Variants in CCDC8 observed in about 807,000 individuals in gnomAD.
CCDC8 encodes coiled-coil domain-containing protein 8.
In CCDC8, 6 loss-of-function variants were observed where a neutral mutation model predicts 5.2. The observed-to-expected ratio is 1.16, with a 90% confidence interval of 0.63 to 2.28. CCDC8 has a LOEUF of 2.28. CCDC8 is among the 30% of genes most tolerant of loss of function. The probability of loss-of-function intolerance (pLI) is 0.00; values close to 1 mark genes in which losing one functional copy is unlikely to be tolerated. For synonymous variants in CCDC8, 310 were observed against 286.5 expected, an observed-to-expected ratio of 1.08 and a Z score of -0.83; for missense variants, 724 against 712.2, an observed-to-expected ratio of 1.02 and a Z score of -0.19.
In CCDC8 at chr19:46,411,280, T is replaced by C. The variant is rs142047380; in HGVS notation, c.1531A>G (p.Arg511Gly). 1 of 1,614,162 alleles carries C rather than the reference T, an allele frequency of 6.2e-7. No homozygotes were observed. Among genetic ancestry groups the C allele is most frequent in the African/African-American group, 1.3e-5 (1 of 75,050 alleles). The change falls in exon 1 of 1, where the codon AGG becomes GGG. Residue 511 changes from arginine to glycine, a missense_variant. Transcript: ENST00000307522. ...RLPTLPKRVP[R>G]AGEARNLRVL... ...CTGAGGTTCCTGGCCTCTCCTGCCC[T>C]GGGGACTCTCTTGGGCAGGGTTGGC... is the stretch of plus-strand genomic sequence containing the variant.
In CCDC8 at chr19:46,413,547, G is replaced by C. The variant is rs546208481; in HGVS notation, c.-737C>G. ...TTGACGCGCCGCAGCCTGCCAGCCC[G>C]CGCGCTTAGAGCTCTGCACCGTGGA... On this transcript the variant is annotated 5_prime_UTR_variant, in exon 1 of 1. Transcript: ENST00000307522. 6.0e-6 allele frequency: 1 copy of C among 166,670 alleles called. No individual in the cohort carries two copies. Among genetic ancestry groups the C allele is most frequent in the East Asian group, 1.9e-4 (1 of 5,132 alleles). The allele number at this position is 166,670 out of a possible 1,614,324, so 10.3% of individuals were successfully genotyped here. A position where few individuals can be genotyped will look rare whatever the true frequency, so the allele number is the denominator to read the frequency against.
rs763220069 is a variant in CCDC8, at chr19:46,412,233, C to T, written c.578G>A (p.Arg193Lys). 11 of 1,600,862 alleles carry T rather than the reference C, an allele frequency of 6.9e-6. No homozygotes were observed. Among genetic ancestry groups the T allele is most frequent in the Non-Finnish European group, 8.5e-6 (10 of 1,179,876 alleles). Residue 193 changes from arginine (R) to lysine (K), a missense_variant, in exon 1 of 1, where the codon AGG becomes AAG. By Grantham distance (26) the Arg-to-Lys change is conservative (BLOSUM62 2). Transcript: ENST00000307522. The surrounding 1 kb of genome is among the most constrained non-coding windows in gnomAD (Gnocchi z 4.7). ...NLGPQLSKAD[R>K]WREYVSQVSW... ...CACCTGGCTGACATACTCCCGCCAC[C>T]TGTCCGCTTTGGACAGCTGAGGCCC...
In CCDC8 at chr19:46,411,351, G is replaced by A. The variant is rs145780413; in HGVS notation, c.1460C>T (p.Ser487Leu). 5.6e-5 allele frequency: 91 copies of A among 1,614,202 alleles called. No individual in the cohort carries two copies. The Middle Eastern group carries it at 1.8e-3, about 32-fold the overall frequency. Residue 487 changes from serine (S) to leucine (L), a missense_variant, in exon 1 of 1, where the codon TCG (serine) becomes TTG (leucine). By Grantham distance (145) the Ser-to-Leu change is moderately radical. Transcript: ENST00000307522. ...TVRFQTPGRF[S>L]WFCKRRRAFW... is the part of the protein sequence containing the mutation. Reference sequence around the variant, plus strand: ...GGCTCTCCGGCGCTTGCAAAACCACGAAAAGCGTCCAGGGGTCTGGAACCT... The same window carrying A: ...GGCTCTCCGGCGCTTGCAAAACCACAAAAAGCGTCCAGGGGTCTGGAACCT...
At position 46,412,254 on chromosome 19, in the gene CCDC8, G is replaced by A; in HGVS notation, c.557C>T (p.Pro186Leu). 6.2e-7 allele frequency: 1 copy of A among 1,602,586 alleles called. No individual in the cohort carries two copies. The highest frequency in any genetic ancestry group is 1.1e-5 in the South Asian group (1 of 91,084). ...CCACCTGTCCGCTTTGGACAGCTGA[G>A]GCCCCAGGTTGTCCTCAAACATGGG... ...PVPMFEDNLG[P>L]QLSKADRWRE... The change falls in exon 1 of 1, where the codon CCT (proline) becomes CTT (leucine). Residue 186 changes from proline (P) to leucine (L), a missense_variant. Transcript: ENST00000307522. This position sits in a 1 kb window ranked among gnomAD's most constrained non-coding sequence, Gnocchi z 4.7.
Position 46,412,908 on chromosome 19 carries a change from T to C in CCDC8, c.-98A>G. 1 of 1,488,380 alleles carries C rather than the reference T, an allele frequency of 6.7e-7. No homozygotes were observed. The highest frequency in any genetic ancestry group is 2.4e-5 in the East Asian group (1 of 41,126). The allele number at this position is 1,488,380 out of a possible 1,614,324, so 92.2% of individuals were successfully genotyped here. A position where few individuals can be genotyped will look rare whatever the true frequency, so the allele number is the denominator to read the frequency against. ...TTCCACGAGGACGTCCAAATCCACA[T>C]CTTTGCAGACATCGGGGACGCTCCA... On this transcript the variant is annotated 5_prime_UTR_variant, in exon 1 of 1. It removes an upstream start codon present in the reference 5' UTR. Transcript: ENST00000307522. The surrounding 1 kb of genome is among the most constrained non-coding windows in gnomAD (Gnocchi z 4.7).
chr19:46,411,876 C>T lies in CCDC8; in HGVS notation c.935G>A (p.Arg312Gln), dbSNP rs201985826. The T allele has an allele frequency of 8.7e-6, 14 of 1,614,110 alleles. No individual in the cohort carries two copies. Among genetic ancestry groups the T allele is most frequent in the Non-Finnish European group, 1.0e-5 (12 of 1,179,956 alleles). ...SQREEAIADQREGAAGNQRAG... is the reference protein window; with the variant it reads ...SQREEAIADQQEGAAGNQRAG... Reference sequence around the variant, plus strand: ...CCTCTGATTACCTGCAGCCCCTTCCCGCTGGTCAGCTATGGCCTCTTCCCT... The same window carrying T: ...CCTCTGATTACCTGCAGCCCCTTCCTGCTGGTCAGCTATGGCCTCTTCCCT... The change falls in exon 1 of 1, where the codon CGG becomes CAG. Residue 312 changes from arginine to glutamine, a missense_variant. Arg to Gln is a conservative substitution (Grantham distance 43). Coordinates refer to ENST00000307522, the MANE Select transcript of CCDC8 (RefSeq NM_032040.5).
chr19:46,411,983 G>T lies in CCDC8; in HGVS notation c.828C>A (p.Arg276=), dbSNP rs1568589517. ...TGGGTGCTGTCTGCTCCTTCCTGCG[G>T]CGCCGAAAGGAGGCCCAGTTGATCT... ...RPKINWASFR[R]RRKEQTAPTG... is the part of the protein sequence containing the mutation. Residue 276 remains arginine (R), a synonymous_variant, in exon 1 of 1, where the codon CGC becomes CGA. Coordinates refer to ENST00000307522, the MANE Select transcript of CCDC8 (RefSeq NM_032040.5). 1.2e-6 allele frequency: 2 copies of T among 1,607,836 alleles called. No individual in the cohort carries two copies. The highest frequency in any genetic ancestry group is 2.2e-5 in the South Asian group (2 of 91,068).
chr19:46,412,147 C>G lies in CCDC8; in HGVS notation c.664G>C (p.Gly222Arg), dbSNP rs1352094152. Reference sequence around the variant, plus strand: ...GCGGTGGAGGCCAGCCGGGCCTCGCCCACCCCGGGGCCCGCCCTCGGCGCC... The same window carrying G: ...GCGGTGGAGGCCAGCCGGGCCTCGCGCACCCCGGGGCCCGCCCTCGGCGCC... ...GWAPRAGPGV[G>R]EARLASTAVE... The change falls in exon 1 of 1, where the codon GGC (glycine) becomes CGC (arginine). Residue 222 changes from glycine to arginine, a missense_variant. Transcript: ENST00000307522. The surrounding 1 kb of genome is among the most constrained non-coding windows in gnomAD (Gnocchi z 4.7). 2 of 1,598,302 alleles carry G rather than the reference C, an allele frequency of 1.3e-6. No homozygotes were observed. The highest frequency in any genetic ancestry group is 2.7e-5 in the African/African-American group (2 of 74,908).
In CCDC8 at chr19:46,412,321, G is replaced by A; in HGVS notation, c.490C>T (p.Pro164Ser). ...CGGCGGCGGGCAGGCGGCGCGCTGG[G>A]CTGCTTCTCCTGTCGCCGGAGGAAG... Reference protein sequence around the residue: ...EAFLRRQEKQPSAPPARRRVN... With the variant: ...EAFLRRQEKQSSAPPARRRVN... The change falls in exon 1 of 1, where the codon CCC (proline) becomes TCC (serine). Residue 164 changes from proline to serine, a missense_variant. Physicochemically the swap from Pro to Ser is moderately conservative, Grantham distance 74. Coordinates refer to ENST00000307522, the MANE Select transcript of CCDC8 (RefSeq NM_032040.5). This position sits in a 1 kb window ranked among gnomAD's most constrained non-coding sequence, Gnocchi z 4.7. 6.2e-7 allele frequency: 1 copy of A among 1,611,850 alleles called. No individual in the cohort carries two copies. Among genetic ancestry groups the A allele is most frequent in the Non-Finnish European group, 8.5e-7 (1 of 1,179,944 alleles).
chr19:46,413,237 T>G lies in CCDC8; in HGVS notation c.-427A>C. 1 of 190,796 alleles carries G rather than the reference T, an allele frequency of 5.2e-6. No homozygotes were observed. Among genetic ancestry groups the G allele is most frequent in the Non-Finnish European group, 1.2e-5 (1 of 83,030 alleles). 11.8% of individuals were successfully genotyped at this position (190,796 alleles called of 1,614,324 possible). A position where few individuals can be genotyped will look rare whatever the true frequency, so the allele number is the denominator to read the frequency against. On this transcript the variant is annotated 5_prime_UTR_variant, in exon 1 of 1. Coordinates refer to ENST00000307522, the MANE Select transcript of CCDC8 (RefSeq NM_032040.5). ...CACCAAGGACTTGGGGGAATCAATT[T>G]CCAGGATGCCTACGTGAGCCGGGGG...
chr19:46,411,577 C>T lies in CCDC8; in HGVS notation c.1234G>A (p.Val412Ile), dbSNP rs752421136. The change falls in exon 1 of 1, where the codon GTA (valine) becomes ATA (isoleucine). Residue 412 changes from valine to isoleucine, a missense_variant. Transcript: ENST00000307522. ...GGGGCCCTTTCCCTCTGGTCATGTA[C>T]GGCCTCTTCCCTTTGATTATCTGTA... ...EVTDNQREEA[V>I]HDQRERAPAV... 14 of 1,613,356 alleles carry T rather than the reference C, an allele frequency of 8.7e-6. No individual in the cohort carries two copies. In the Admixed American group the frequency reaches 1.2e-4, roughly 13 times the overall value.
rs1419109111 is a variant in CCDC8, at chr19:46,412,892, G to A, written c.-82C>T. ...CCACGGGCTTTAGGGCTTCCACGAG[G>A]ACGTCCAAATCCACATCTTTGCAGA... On this transcript the variant is annotated 5_prime_UTR_variant, in exon 1 of 1. Transcript: ENST00000307522. The surrounding 1 kb of genome is among the most constrained non-coding windows in gnomAD (Gnocchi z 4.7). The A allele has an allele frequency of 3.9e-6, 6 of 1,549,932 alleles. No homozygotes were observed. The Admixed American group carries it at 9.2e-5, about 24-fold the overall frequency.
Position 46,412,642 on chromosome 19 carries a change from G to A in CCDC8, c.169C>T (p.Arg57Cys). 1 of 1,605,796 alleles carries A rather than the reference G, an allele frequency of 6.2e-7. No individual in the cohort carries two copies. The highest frequency in any genetic ancestry group is 8.5e-7 in the Non-Finnish European group (1 of 1,177,396). ...EEGRTLEDVA[R>C]IMEKSTPHPP... is the part of the protein sequence containing the mutation. ...TGCGGGGTGCTCTTCTCCATGATGCGGGCCACGTCCTCCAGGGTGCGGCCC... is the reference window on the plus strand; with the variant it reads ...TGCGGGGTGCTCTTCTCCATGATGCAGGCCACGTCCTCCAGGGTGCGGCCC... Residue 57 changes from arginine to cysteine, a missense_variant, in exon 1 of 1, where the codon CGC (arginine) becomes TGC (cysteine). Transcript: ENST00000307522. The surrounding 1 kb of genome is among the most constrained non-coding windows in gnomAD (Gnocchi z 4.7).
chr19:46,411,950 CT>C lies in CCDC8; in HGVS notation c.860del (p.Gln287ArgfsTer22), dbSNP rs778999067. The C allele has an allele frequency of 6.2e-6, 10 of 1,610,874 alleles. No homozygotes were observed. The highest frequency in any genetic ancestry group is 2.2e-5 in the South Asian group (2 of 90,950). ...RRKEQTAPTGQGADIEADQGG... is the reference protein window; with the variant it reads ...RRKEQTAPTGXGADIEADQGG... ...CCTGATCAGCCTCGATGTCTGCCCC[CT>C]GACCTGTGGGTGCTGTCTGCTCCTT... On this transcript the variant is annotated frameshift_variant, in exon 1 of 1. Coordinates refer to ENST00000307522, the MANE Select transcript of CCDC8 (RefSeq NM_032040.5). LOFTEE classifies it low-confidence loss of function (END_TRUNC).
rs1196319246 is a variant in CCDC8 at position 46,411,366 on chromosome 19, G to T, written c.1445C>A (p.Thr482Asn). The change falls in exon 1 of 1, where the codon ACC (threonine) becomes AAC (asparagine). Residue 482 changes from threonine to asparagine, a missense_variant. By Grantham distance (65) the Thr-to-Asn change is moderately conservative (BLOSUM62 0). Coordinates refer to ENST00000307522, the MANE Select transcript of CCDC8 (RefSeq NM_032040.5). ...GCAAAACCACGAAAAGCGTCCAGGG[G>T]TCTGGAACCTCACTGTCTTGACCTG... is the stretch of plus-strand genomic sequence containing the variant. ...RKQVKTVRFQ[T>N]PGRFSWFCKR... is the part of the protein sequence containing the mutation. 4.3e-6 allele frequency: 7 copies of T among 1,614,128 alleles called. No homozygotes were observed. The highest frequency in any genetic ancestry group is 5.9e-6 in the Non-Finnish European group (7 of 1,180,052).
chr19:46,412,193 C>T lies in CCDC8; in HGVS notation c.618G>A (p.Leu206=), dbSNP rs746565870. Residue 206 remains leucine, a synonymous_variant, in exon 1 of 1, where the codon CTG becomes CTA. Coordinates refer to ENST00000307522, the MANE Select transcript of CCDC8 (RefSeq NM_032040.5). The surrounding 1 kb of genome is among the most constrained non-coding windows in gnomAD (Gnocchi z 4.7). ...EYVSQVSWGK[L]KRRVKGWAPR... Reference sequence around the variant, plus strand: ...GCGCCCAACCCTTCACCCTCCGCTTCAGCTTCCCCCAGGACACCTGGCTGA... The same window carrying T: ...GCGCCCAACCCTTCACCCTCCGCTTTAGCTTCCCCCAGGACACCTGGCTGA... 3.1e-6 allele frequency: 5 copies of T among 1,598,788 alleles called. No individual in the cohort carries two copies. The East Asian group carries it at 1.1e-4, about 36-fold the overall frequency.
At position 46,412,026 on chromosome 19, in the gene CCDC8, G is replaced by A. The variant is rs774021528; in HGVS notation, c.785C>T (p.Pro262Leu). 1 of 1,602,762 alleles carries A rather than the reference G, an allele frequency of 6.2e-7. No homozygotes were observed. Among genetic ancestry groups the A allele is most frequent in the Non-Finnish European group, 8.5e-7 (1 of 1,179,960 alleles). ...GTTGATCTTGGGCCTCCATCGCCTA[G>A]GGGAAGCCTGGGGCACACAAACATC... is the stretch of plus-strand genomic sequence containing the variant. ...AGDVCVPQAS[P>L]RRWRPKINWA... Residue 262 changes from proline to leucine, a missense_variant, in exon 1 of 1, where the codon CCT (proline) becomes CTT (leucine). Coordinates refer to ENST00000307522, the MANE Select transcript of CCDC8 (RefSeq NM_032040.5). The surrounding 1 kb of genome is among the most constrained non-coding windows in gnomAD (Gnocchi z 4.7).
Sources: allele counts gnomAD v4.1 joint callset, GRCh38; gene constraint gnomAD v4.1.1; non-coding constraint Gnocchi (gnomAD v3.1); transcripts MANE v1.5; gene names NCBI Gene and HGNC (gene_info 2026-07-23, HGNC 2026-07-21).